PTPRN2: variants seen among roughly 807,000 people sequenced by gnomAD.
PTPRN2 encodes the protein protein tyrosine phosphatase receptor type N2.
PTPRN2 carries 74 observed loss-of-function variants against 118.8 expected under a neutral mutation model. The ratio of observed to expected loss-of-function variants is 0.62; its 90% CI spans 0.52 to 0.76. The LOEUF (loss-of-function observed/expected upper bound fraction) is 0.76. PTPRN2 is among the 30% of genes least tolerant of loss of function. PTPRN2 has a pLI of 0.00. For synonymous variants in PTPRN2, 641 were observed against 608.0 expected (o/e 1.05, Z -0.80); for missense variants, 1,481 against 1,394.4 (o/e 1.06, Z -0.99).
intron 5 of PTPRN2, among the ~76,000 whole-genome samples, chr7:158,178,764 A>G (rs1824440256): frequency 6.6e-6 from 1 of 151,572 alleles, no homozygotes; most frequent in Non-Finnish European, 1.5e-5. Flanking sequence ...CGCCTGGCTA[A>G]TTTTTTGTAT....
rs544696891 is a variant in PTPRN2 at position 157,598,437 on chromosome 7, G to A, written c.2419-3122C>T. Among the ~76,000 whole-genome samples the A allele has an allele frequency of 2.7e-5, 4 of 149,958 alleles. No individual in the cohort carries two copies. Among genetic ancestry groups the A allele is most frequent in the South Asian group, 2.1e-4 (1 of 4,688 alleles). ...GAGGAGCTTGGACGTCGGCGTCTCC[G>A]GGCCTCAGTCTCCATATCTGTATGG... is the stretch of plus-strand genomic sequence containing the variant. On this transcript the variant is annotated intron_variant, in intron 16 of 22. Transcript: ENST00000389418. This position sits in a 1 kb window ranked among gnomAD's most constrained non-coding sequence, Gnocchi z 5.2.
intron 12 of PTPRN2, among the ~76,000 whole-genome samples, chr7:157,802,937 T>C (rs890800496): frequency 6.6e-6 from 1 of 152,206 alleles, no homozygotes; most frequent in African/African-American, 2.4e-5. Context: ...TGCTATTGAA[T>C]TGTAGGAAGT....
In PTPRN2 at chr7:157,598,371, C is replaced by A. The variant is rs1012243887; in HGVS notation, c.2419-3056G>T. On this transcript the variant is annotated intron_variant, in intron 16 of 22. Coordinates refer to ENST00000389418, the MANE Select transcript of PTPRN2 (RefSeq NM_002847.5). This position sits in a 1 kb window ranked among gnomAD's most constrained non-coding sequence, Gnocchi z 5.2. ...GGAAAAGGCCTGTCATATCTCCAGG[C>A]CTCAGTCTCCGTATCTGTATGGTGG... Among the ~76,000 whole-genome samples, 1 of 152,074 alleles carries A rather than the reference C, an allele frequency of 6.6e-6. No individual in the cohort carries two copies. Among genetic ancestry groups the A allele is most frequent in the Non-Finnish European group, 1.5e-5 (1 of 68,044 alleles).
intron 1 of PTPRN2, among the ~76,000 whole-genome samples, chr7:158,583,796 G>T (rs1251829707): frequency 1.3e-5 from 2 of 152,182 alleles, no homozygotes; most frequent in East Asian, 3.9e-4. Flanking sequence ...GGAACAACAG[G>T]CAGAGAAGCT....
rs182160953 is a variant in PTPRN2, at chr7:158,268,993, C to T, written c.277+47826G>A. On this transcript the variant is annotated intron_variant, in intron 3 of 22. Transcript: ENST00000389418. ...GAAAGCCGTTGCCGGGCCTGAAAAT[C>T]GCAGCTTTTTGAACGCACACACTGA... is the stretch of plus-strand genomic sequence containing the variant. Among the ~76,000 whole-genome samples the T allele has an allele frequency of 1.8e-3, 277 of 152,326 alleles. 1 individual carries two copies. The highest frequency in any genetic ancestry group is 6.3e-3 in the African/African-American group (261 of 41,570).
At chr7:157,718,244 GC>G in intron 12 of PTPRN2, among the ~76,000 whole-genome samples, 1 of 152,376 alleles carries the variant, frequency 6.6e-6, no homozygotes, top group East Asian at 1.9e-4. Context: ...TGAACTATCA[GC>G]TATTTCTGCA....
intron 11 of PTPRN2, among the ~76,000 whole-genome samples, chr7:158,021,195 C>G (rs1302071322): frequency 1.3e-5 from 2 of 152,104 alleles, no homozygotes; most frequent in African/African-American, 4.8e-5. Flanking sequence ...TGTTGACATC[C>G]TCTGGTTTCT....
intron 12 of PTPRN2, among the ~76,000 whole-genome samples, chr7:157,809,369 G>C (rs910755650): frequency 2.6e-5 from 4 of 151,838 alleles, no homozygotes; most frequent in Non-Finnish European, 5.9e-5. Flanking sequence ...TGGCCCTGGA[G>C]GGGGCTCAGC....
At chr7:158,173,306 G>A (rs973733143) in intron 5 of PTPRN2, among the ~76,000 whole-genome samples, 1 of 152,196 alleles carries the variant, frequency 6.6e-6, no homozygotes, top group African/African-American at 2.4e-5. Flanking sequence ...GCCAGTCTGA[G>A]AAATAAAGAG....
rs1004682138 is a variant in PTPRN2 at position 158,232,549 on chromosome 7, C to T, written c.278-27276G>A. ...AAATAATACCAATTCTACTCAAACTCTTCAAAAAATTGAAGAGGAGGGAAT... is the reference window on the plus strand; with the variant it reads ...AAATAATACCAATTCTACTCAAACTTTTCAAAAAATTGAAGAGGAGGGAAT... On this transcript the variant is annotated intron_variant, in intron 3 of 22. Coordinates refer to ENST00000389418, the MANE Select transcript of PTPRN2 (RefSeq NM_002847.5). Among the ~76,000 whole-genome samples, 9 of 151,962 alleles carry T rather than the reference C, an allele frequency of 5.9e-5. No individual in the cohort carries two copies. The South Asian group carries it at 1.9e-3, about 32-fold the overall frequency.
At chr7:158,522,717 C>T (rs1041092487) in intron 1 of PTPRN2, among the ~76,000 whole-genome samples, 10 of 152,342 alleles carry the variant, frequency 6.6e-5, no homozygotes, top group Non-Finnish European at 1.2e-4. Context: ...CTCGGACCAC[C>T]GGAGCCAGCC....
rs73510534 is a variant in PTPRN2, at chr7:158,538,744, C to T, written c.112+48814G>A. On this transcript the variant is annotated intron_variant, in intron 1 of 22. Transcript: ENST00000389418. ...CCCAAAAGCAGGCGGCACCACGGGG[C>T]GGGAAGAGGAACTCAGGTCCGTGAA... Among the ~76,000 whole-genome samples, 1,471 of 152,258 alleles carry T rather than the reference C, an allele frequency of 9.7e-3. 21 individuals carry two copies. The highest frequency in any genetic ancestry group is 0.033 in the African/African-American group (1,379 of 41,558).
chr7:158,131,809 C>A (rs560528060), intron 9 of PTPRN2, among the ~76,000 whole-genome samples: 2 of 150,594 alleles, frequency 1.3e-5, no homozygotes, highest in African/African-American at 4.9e-5. Context: ...TACACACACA[C>A]ACAAATACGC....
Position 158,192,322 on chromosome 7 carries a change from G to T in PTPRN2, c.549+5C>A, listed in dbSNP as rs17847435. Reference sequence around the variant, plus strand: ...CCCGGCCCGGGGAGGAAGTGGAAGGGTCACCTCAGCGGGGGGTCTGTCCTG... The same window carrying T: ...CCCGGCCCGGGGAGGAAGTGGAAGGTTCACCTCAGCGGGGGGTCTGTCCTG... On this transcript the variant is annotated splice_donor_5th_base_variant and intron_variant, in intron 5 of 22. Transcript: ENST00000389418. 4.1e-6 allele frequency: 6 copies of T among 1,463,484 alleles called. No individual in the cohort carries two copies. Among genetic ancestry groups the T allele is most frequent in the Admixed American group, 2.9e-5 (1 of 33,946 alleles). The allele number at this position is 1,463,484 out of a possible 1,614,324, so 90.7% of individuals were successfully genotyped here. A position where few individuals can be genotyped will look rare whatever the true frequency, so the allele number is the denominator to read the frequency against.
intron 12 of PTPRN2, among the ~76,000 whole-genome samples, chr7:157,756,834 C>T (rs575872718): frequency 6.6e-6 from 1 of 151,170 alleles, no homozygotes; most frequent in Non-Finnish European, 1.5e-5. Context: ...CGAGAAACTG[C>T]TCAGGGGAAA....
intron 12 of PTPRN2, among the ~76,000 whole-genome samples, chr7:157,782,598 TA>T (rs1803748070): frequency 6.6e-6 from 1 of 152,222 alleles, no homozygotes; most frequent in African/African-American, 2.4e-5. Context: ...AGGAGCCATC[TA>T]AAAACTCATA....
chr7:157,776,939 CTCCTCT>C (rs1312641723), intron 12 of PTPRN2, among the ~76,000 whole-genome samples: 4 of 55,566 alleles, frequency 7.2e-5, no homozygotes, highest in African/African-American at 2.0e-4. Context: ...CGTCCTTCCT[CTCCTCT>C]TCCTCTTCCC....
At chr7:157,840,199 GCGTGTGACTGTGTGGCCA>G (rs1469186500) in intron 12 of PTPRN2, among the ~76,000 whole-genome samples, 4 of 139,716 alleles carry the variant, frequency 2.9e-5, no homozygotes, top group Admixed American at 7.1e-5. Context: ...GACTGTGACC[GCGTGTGACTGTGTGGCCA>G]CGTGTGACTG....
chr7:157,907,367 T>C lies in PTPRN2; in HGVS notation c.1724-8630A>G, dbSNP rs186405556. The stretch of plus-strand genomic sequence containing the variant: ...GTGGTGTCTCCCTGTCCCCTGCGTG[T>C]GGGGTGTCCCGGGTGGCAGTATCTC... On this transcript the variant is annotated intron_variant, in intron 11 of 22. Coordinates refer to ENST00000389418, the MANE Select transcript of PTPRN2 (RefSeq NM_002847.5). Among the ~76,000 whole-genome samples, 548 of 151,594 alleles carry C rather than the reference T, an allele frequency of 3.6e-3. 7 individuals are homozygous for C. Among genetic ancestry groups the C allele is most frequent in the African/African-American group, 0.011 (469 of 41,294 alleles).
Sources: allele counts gnomAD v4.1 joint callset (sites outside exome capture counted in the v4.1 genomes callset), GRCh38; gene constraint gnomAD v4.1.1; non-coding constraint Gnocchi (gnomAD v3.1); transcripts MANE v1.5; gene names NCBI Gene and HGNC (gene_info 2026-07-23, HGNC 2026-07-21).